The following RHOBTB2 variants were observed in gnomAD, a reference collection of about 807,000 sequenced individuals.
RHOBTB2 encodes Rho related BTB domain containing 2.
A neutral mutation model predicts 66.5 loss-of-function variants in RHOBTB2; 39 were observed. The observed-to-expected ratio is 0.59, with a 90% CI of 0.45 to 0.77. RHOBTB2 has a LOEUF of 0.77. Ranked by LOEUF, RHOBTB2 falls within the 30% of genes least tolerant of loss-of-function variation. The pLI is 0.00. For missense variants in RHOBTB2, 755 were observed against 999.1 expected, an observed-to-expected ratio of 0.76 and a Z score of 3.29; for synonymous variants, 390 against 395.0, an observed-to-expected ratio of 0.99 and a Z score of 0.15.
chr8:22,998,026 C>A (rs1408299351), upstream of RHOBTB2, among the ~76,000 whole-genome samples: 1 of 152,138 alleles, frequency 6.6e-6, no homozygotes. Flanking sequence ...AAGTAAGTAG[C>A]ACTGTCAGTC....
the RHOBTB2 span, among the ~76,000 whole-genome samples, chr8:22,973,023 C>T: frequency 6.6e-6 from 1 of 152,208 alleles, no homozygotes; most frequent in Non-Finnish European, 1.5e-5. Flanking sequence ...CTCCAGCCTT[C>T]ACTCCCTTCC....
At chr8:22,961,159 C>T in the RHOBTB2 span, among the ~76,000 whole-genome samples, 1 of 152,152 alleles carries the variant, frequency 6.6e-6, no homozygotes, top group African/African-American at 2.4e-5. Flanking sequence ...GCCTCAGCCT[C>T]CCAACATAAT....
chr8:23,008,234 CAA>C, intron 6 of RHOBTB2, 123 bp downstream of exon 6: 1 of 696,372 alleles, frequency 1.4e-6, no homozygotes, highest in Non-Finnish European at 2.5e-6. Flanking sequence ...GTGATGGGCC[CAA>C]GAGAGGTTTA....
At chr8:23,012,150 C>A (rs1811167479) in intron 7 of RHOBTB2, among the ~76,000 whole-genome samples, 1 of 152,208 alleles carries the variant, frequency 6.6e-6, no homozygotes, top group Non-Finnish European at 1.5e-5. Context: ...GCACATAAAA[C>A]TTCAAATTCC....
chr8:22,999,591 T>A lies in RHOBTB2; in HGVS notation c.-525T>A. The A allele has an allele frequency of 8.2e-7, 1 of 1,225,918 alleles. No homozygotes were observed. Among genetic ancestry groups the A allele is most frequent in the South Asian group, 1.4e-5 (1 of 73,424 alleles). 75.9% of individuals were successfully genotyped at this position (1,225,918 alleles called of 1,614,324 possible). A position where few individuals can be genotyped will look rare whatever the true frequency, so the allele number is the denominator to read the frequency against. The stretch of plus-strand genomic sequence containing the variant: ...CGTCTTGGGTGCGATTTTTTTCTCC[T>A]CCTTTTTTTACCCTCCCGTTTTTTT... On this transcript the variant is annotated 5_prime_UTR_variant, in exon 1 of 10. Coordinates refer to ENST00000251822, the MANE Select transcript of RHOBTB2 (RefSeq NM_015178.3).
the RHOBTB2 span, among the ~76,000 whole-genome samples, chr8:22,978,508 C>CA: frequency 2.8e-5 from 4 of 142,760 alleles, no homozygotes; most frequent in Admixed American, 7.0e-5. Flanking sequence ...AACAAAAAAA[C>CA]AAAAAAAACC....
chr8:23,017,158 T>A lies in RHOBTB2; in HGVS notation c.1967-94T>A. On this transcript the variant is annotated intron_variant, in intron 9 of 9. Transcript: ENST00000251822. The surrounding 1 kb of genome is among the most constrained non-coding windows in gnomAD (Gnocchi z 5.3). The stretch of plus-strand genomic sequence containing the variant: ...TGTGCTGGGGGCTGGGCTGGAGGCC[T>A]GCTGCAGGCCTTGTGGTGGGGTAGG... The A allele has an allele frequency of 6.6e-7, 1 of 1,524,468 alleles. No individual in the cohort carries two copies. The highest frequency in any genetic ancestry group is 2.3e-5 in the East Asian group (1 of 44,248). The allele number at this position is 1,524,468 out of a possible 1,614,324, so 94.4% of individuals were successfully genotyped here.
Position 23,004,024 on chromosome 8 carries a change from CTGTT to C in RHOBTB2, c.-10-396_-10-393del. The C allele has an allele frequency of 3.4e-6, 1 of 293,620 alleles. No homozygotes were observed. Among genetic ancestry groups the C allele is most frequent in the East Asian group, 9.1e-5 (1 of 11,018 alleles). The allele number at this position is 293,620 out of a possible 1,614,324, so 18.2% of individuals were successfully genotyped here. On this transcript the variant is annotated intron_variant, in intron 1 of 9. Coordinates refer to ENST00000251822, the MANE Select transcript of RHOBTB2 (RefSeq NM_015178.3). This position sits in a 1 kb window ranked among gnomAD's most constrained non-coding sequence, Gnocchi z 6.4. ...ACGTGGCCGACTCTGCTTCTCTCAG[CTGTT>C]TGTTGTTCTGCTGCCACTGCTCTGC... is the stretch of plus-strand genomic sequence containing the variant.
Position 23,004,907 on chromosome 8 carries a change from G to C in RHOBTB2, c.192+281G>C, listed in dbSNP as rs1414570897. ...GCATTGTATGTAGTCACAGCCTTAA[G>C]TAATGGGGAGCACTGGAGGGCTGGG... On this transcript the variant is annotated intron_variant, in intron 2 of 9. Coordinates refer to ENST00000251822, the MANE Select transcript of RHOBTB2 (RefSeq NM_015178.3). The surrounding 1 kb of genome is among the most constrained non-coding windows in gnomAD (Gnocchi z 6.4). 1.2e-5 allele frequency: 6 copies of C among 513,388 alleles called. No homozygotes were observed. Among genetic ancestry groups the C allele is most frequent in the Non-Finnish European group, 2.1e-5 (6 of 282,850 alleles). The allele number at this position is 513,388 out of a possible 1,614,324, so 31.8% of individuals were successfully genotyped here. A position where few individuals can be genotyped will look rare whatever the true frequency, so the allele number is the denominator to read the frequency against.
upstream of RHOBTB2, among the ~76,000 whole-genome samples, chr8:22,985,739 T>C (rs537749147): frequency 1.8e-4 from 27 of 152,298 alleles, 2 homozygotes; most frequent in African/African-American, 6.3e-4. Context: ...AGGCAGAGGA[T>C]TGACCAGACC....
chr8:22,966,794 C>T, the RHOBTB2 span, among the ~76,000 whole-genome samples: 1 of 152,184 alleles, frequency 6.6e-6, no homozygotes, highest in Admixed American at 6.5e-5. Context: ...ATTAAAAACA[C>T]ATCTGAATGG....
intron 3 of RHOBTB2, 100 bp downstream of exon 3, chr8:23,005,575 A>T: frequency 1.2e-6 from 1 of 855,308 alleles, no homozygotes; most frequent in Non-Finnish European, 1.9e-6. Flanking sequence ...AGCTGGCAAG[A>T]AGAAGTGGAG....
chr8:22,976,793 GTT>G, the RHOBTB2 span, among the ~76,000 whole-genome samples: 1 of 146,184 alleles, frequency 6.8e-6, no homozygotes. Context: ...CCCCAGATAG[GTT>G]TTTTTTTTTT....
At chr8:22,987,058 G>A (rs1297688412), upstream of RHOBTB2, among the ~76,000 whole-genome samples, 2 of 152,256 alleles carry the variant, frequency 1.3e-5, no homozygotes, top group African/African-American at 4.8e-5. Flanking sequence ...TGGGGTTGAA[G>A]CCATAACTTG....
chr8:22,984,571 T>C (rs1038804073), upstream of RHOBTB2: 2 of 152,240 alleles, frequency 1.3e-5, no homozygotes, highest in Admixed American at 1.3e-4. Flanking sequence ...ACAGCTGGAC[T>C]TGGGATTCCA....
At position 23,007,094 on chromosome 8, in the gene RHOBTB2, C is replaced by T. The variant is rs769547001; in HGVS notation, c.849C>T (p.Ile283=). The change falls in exon 5 of 10, where the codon ATC becomes ATT. Residue 283 remains isoleucine (I), a synonymous_variant. Transcript: ENST00000251822. ...QERVRIFAHK[I]YLSTSSSKFY... ...GGGTGCGCATCTTTGCCCACAAGAT[C>T]TACCTCTCCACCTCTTCCTCCAAGT... 6.2e-7 allele frequency: 1 copy of T among 1,611,116 alleles called. No homozygotes were observed. The highest frequency in any genetic ancestry group is 1.1e-5 in the South Asian group (1 of 90,990).
Position 23,015,631 on chromosome 8 carries a change from TC to T in RHOBTB2, c.1861-3del. The stretch of plus-strand genomic sequence containing the variant: ...TCAGTACAGACGTTCTTCCCTTCTG[TC>T]CCCAGTTCCACTGTGCGTACCAGCT... On this transcript the variant is annotated splice_polypyrimidine_tract_variant and splice_region_variant and intron_variant, in intron 8 of 9. Transcript: ENST00000251822. 1 of 1,601,490 alleles carries T rather than the reference TC, an allele frequency of 6.2e-7. No individual in the cohort carries two copies. Among genetic ancestry groups the T allele is most frequent in the Non-Finnish European group, 8.6e-7 (1 of 1,168,676 alleles).
At chr8:23,005,157 C>A (rs573253899) in intron 2 of RHOBTB2, among the ~76,000 whole-genome samples, 1 of 152,292 alleles carries the variant, frequency 6.6e-6, no homozygotes, top group Non-Finnish European at 1.5e-5. Flanking sequence ...TCTTCCACTC[C>A]TGGTCAGCTT....
the RHOBTB2 span, among the ~76,000 whole-genome samples, chr8:22,971,390 GC>G: frequency 1.3e-5 from 2 of 150,676 alleles, no homozygotes; most frequent in African/African-American, 2.4e-5. Context: ...TTGCTATGTT[GC>G]CCAGGCTGGT....
Sources: allele counts gnomAD v4.1 joint callset (sites outside exome capture counted in the v4.1 genomes callset), GRCh38; gene constraint gnomAD v4.1.1; non-coding constraint Gnocchi (gnomAD v3.1); transcripts MANE v1.5; gene names NCBI Gene and HGNC (gene_info 2026-07-23, HGNC 2026-07-21).